LOXL2: variants seen among roughly 807,000 people sequenced by gnomAD.
LOXL2 encodes lysyl oxidase homolog 2.
LOXL2 carries 70 observed loss-of-function variants against 93.0 expected under a neutral mutation model. The observed-to-expected ratio is 0.75, with a 90% CI of 0.62 to 0.92. The LOEUF (loss-of-function observed/expected upper bound fraction) is 0.92. Ranked by LOEUF, LOXL2 falls within the 40% of genes least tolerant of loss-of-function variation. LOXL2 has a pLI of 0.00. For synonymous variants in LOXL2, 438 were observed against 413.2 expected (o/e 1.06, Z -0.73); for missense variants, 973 against 1,054.9 (o/e 0.92, Z 1.08).
At chr8:23,340,951 C>T (rs147506233) in intron 4 of LOXL2, 41 bp downstream of exon 4, 43 of 1,545,912 alleles carry the variant, frequency 2.8e-5, no homozygotes, top group Middle Eastern at 1.9e-4. Flanking sequence ...TTAGGCAGGG[C>T]GGATACCCTC....
At chr8:23,337,655 A>C (rs1303359220) in intron 4 of LOXL2, among the ~76,000 whole-genome samples, 1 of 152,246 alleles carries the variant, frequency 6.6e-6, no homozygotes, top group East Asian at 1.9e-4. Context: ...CTCTGCTTAG[A>C]GAGCTCATTT....
At position 23,335,799 on chromosome 8, in the gene LOXL2, G is replaced by A. The variant is rs549544824; in HGVS notation, c.744-2176C>T. Among the ~76,000 whole-genome samples, 32 of 152,314 alleles carry A rather than the reference G, an allele frequency of 2.1e-4. No individual in the cohort carries two copies. The East Asian group carries it at 6.0e-3, about 28-fold the overall frequency. On this transcript the variant is annotated intron_variant, in intron 4 of 13. Transcript: ENST00000389131. ...CTGGAAGTACCTCCTTTGTCTCAGA[G>A]TGAATGGGGTGTGAAGACAGAGGAA...
intron 3 of LOXL2, among the ~76,000 whole-genome samples, chr8:23,350,814 A>C (rs557474097): frequency 2.1e-3 from 317 of 152,218 alleles, no homozygotes; most frequent in Non-Finnish European, 2.5e-3. Flanking sequence ...TCTGTGTTTC[A>C]TTTTCCAAGC....
At chr8:23,325,698 C>G (rs1399633442) in intron 6 of LOXL2, among the ~76,000 whole-genome samples, 1 of 152,210 alleles carries the variant, frequency 6.6e-6, no homozygotes, top group Non-Finnish European at 1.5e-5. Context: ...AACTGAATAG[C>G]ACTGGAGCGC....
chr8:23,321,077 G>A (rs75135942), intron 7 of LOXL2, among the ~76,000 whole-genome samples: 2 of 13,964 alleles, frequency 1.4e-4, no homozygotes, highest in Non-Finnish European at 5.1e-4. Context: ...TTTATCTCTC[G>A]TCTCTCTCCA....
At chr8:23,367,080 G>A (rs1030598573) in intron 2 of LOXL2, among the ~76,000 whole-genome samples, 3 of 152,022 alleles carry the variant, frequency 2.0e-5, no homozygotes, top group East Asian at 1.9e-4. Context: ...ATGGAGTCTC[G>A]CTCTGTCACC....
chr8:23,395,052 G>A lies in LOXL2; in HGVS notation c.-84+8902C>T, dbSNP rs888168962. The stretch of plus-strand genomic sequence containing the variant: ...GGGCGGATCACGAGGTCAAGAGATC[G>A]AGACCATCCTGGCCAACATGGTGAA... On this transcript the variant is annotated intron_variant, in intron 1 of 13. Transcript: ENST00000389131. Among the ~76,000 whole-genome samples the A allele has an allele frequency of 6.1e-4, 93 of 152,066 alleles. 1 individual carries two copies. The highest frequency in any genetic ancestry group is 9.3e-4 in the Non-Finnish European group (63 of 68,006).
rs57485192 is a variant in LOXL2 at position 23,380,406 on chromosome 8, A to AAAAAAAAAAAAAAG, written c.-83-11973_-83-11972insCTTTTTTTTTTTTT. ...GACTCCGTCTCAAAAAAAAAAAAAA[A>AAAAAAAAAAAAAAG]AAAAAGACATCTTAATCTGTGGATT... is the stretch of plus-strand genomic sequence containing the variant. On this transcript the variant is annotated intron_variant, in intron 1 of 13. Coordinates refer to ENST00000389131, the MANE Select transcript of LOXL2 (RefSeq NM_002318.3). 1.5e-4 allele frequency among the ~76,000 whole-genome samples: 19 copies of AAAAAAAAAAAAAAG among 128,496 alleles called. 1 individual carries two copies. Among genetic ancestry groups the AAAAAAAAAAAAAAG allele is most frequent in the African/African-American group, 3.0e-4 (10 of 33,362 alleles). The allele number at this position is 128,496 out of a possible 152,430, so 84.3% of individuals were successfully genotyped here. A position where few individuals can be genotyped will look rare whatever the true frequency, so the allele number is the denominator to read the frequency against.
At chr8:23,328,256 C>T (rs1803616450) in intron 6 of LOXL2, 126 bp downstream of exon 6, 2 of 977,054 alleles carry the variant, frequency 2.0e-6, no homozygotes, top group Non-Finnish European at 3.1e-6. Context: ...GATTCTCTCC[C>T]AGGCAGCCAC....
At chr8:23,387,404 C>T (rs1019565685) in intron 1 of LOXL2, among the ~76,000 whole-genome samples, 1 of 152,200 alleles carries the variant, frequency 6.6e-6, no homozygotes, top group Non-Finnish European at 1.5e-5. Flanking sequence ...TCAGCTTACC[C>T]TCCCCAGGGT....
Position 23,358,267 on chromosome 8 carries a change from C to T in LOXL2, c.531+1823G>A, listed in dbSNP as rs149254250. ...ATAGCAGCATTTGACAGGTGTCAACCATAAGCAGTCTCCTCCACAGCTGAG... is the reference window on the plus strand; with the variant it reads ...ATAGCAGCATTTGACAGGTGTCAACTATAAGCAGTCTCCTCCACAGCTGAG... On this transcript the variant is annotated intron_variant, in intron 3 of 13. Coordinates refer to ENST00000389131, the MANE Select transcript of LOXL2 (RefSeq NM_002318.3). Among the ~76,000 whole-genome samples the T allele has an allele frequency of 5.9e-5, 9 of 152,324 alleles. No homozygotes were observed. In the East Asian group the frequency reaches 1.7e-3, roughly 29 times the overall value.
chr8:23,368,403 G>A lies in LOXL2; in HGVS notation c.-52C>T, dbSNP rs764395511. 2 of 1,493,726 alleles carry A rather than the reference G, an allele frequency of 1.3e-6. No homozygotes were observed. Among genetic ancestry groups the A allele is most frequent in the Non-Finnish European group, 1.8e-6 (2 of 1,081,726 alleles). The allele number at this position is 1,493,726 out of a possible 1,614,324, so 92.5% of individuals were successfully genotyped here. On this transcript the variant is annotated 5_prime_UTR_variant, in exon 2 of 14. Coordinates refer to ENST00000389131, the MANE Select transcript of LOXL2 (RefSeq NM_002318.3). ...GAAGGGGCCCTGCGCAGCTGGGAGG[G>A]ACAGGCGGGGTACAGAAGCAGCAGG...
At chr8:23,368,622 T>A (rs1356180864) in intron 1 of LOXL2, among the ~76,000 whole-genome samples, 188 bp from the exon 2 acceptor site, 1 of 152,238 alleles carries the variant, frequency 6.6e-6, no homozygotes, top group Non-Finnish European at 1.5e-5. Context: ...TACTGCCTTG[T>A]CATCTCTCTA....
In LOXL2 at chr8:23,319,782, C is replaced by G. The variant is rs558498750; in HGVS notation, c.1470+103G>C. 2.3e-6 allele frequency: 3 copies of G among 1,316,878 alleles called. No homozygotes were observed. The East Asian group carries it at 7.0e-5, about 31-fold the overall frequency. The allele number at this position is 1,316,878 out of a possible 1,614,324, so 81.6% of individuals were successfully genotyped here. Reference sequence around the variant, plus strand: ...TCCAGGGCAACTTGCTCTGTCCTGCCTGCACGGCTAGGGAGGGTACGTGGG... The same window carrying G: ...TCCAGGGCAACTTGCTCTGTCCTGCGTGCACGGCTAGGGAGGGTACGTGGG... On this transcript the variant is annotated intron_variant, in intron 8 of 13. Coordinates refer to ENST00000389131, the MANE Select transcript of LOXL2 (RefSeq NM_002318.3).
intron 1 of LOXL2, among the ~76,000 whole-genome samples, chr8:23,377,903 T>G (rs1483548118): frequency 6.6e-6 from 1 of 152,194 alleles, no homozygotes; most frequent in African/African-American, 2.4e-5. Context: ...AATTTGCCAG[T>G]CTGTGTCTTT....
At chr8:23,402,037 C>T (rs549432945) in intron 1 of LOXL2, among the ~76,000 whole-genome samples, 155 of 152,330 alleles carry the variant, frequency 1.0e-3, no homozygotes, top group African/African-American at 3.6e-3. Flanking sequence ...TGCACACATG[C>T]GTGCACACAC....
In LOXL2 at chr8:23,341,018, C is replaced by T; in HGVS notation, c.717G>A (p.Glu239=). 1 of 1,614,206 alleles carries T rather than the reference C, an allele frequency of 6.2e-7. No individual in the cohort carries two copies. The highest frequency in any genetic ancestry group is 8.5e-7 in the Non-Finnish European group (1 of 1,180,036). Reference sequence around the variant, plus strand: ...TGTACACTTTGGTATTGTATGTCCTCTCCCCAGGGAAGCCAAACATGCCGC... The same window carrying T: ...TGTACACTTTGGTATTGTATGTCCTTTCCCCAGGGAAGCCAAACATGCCGC... ...VVCGMFGFPG[E]RTYNTKVYKM... Residue 239 remains glutamate (E), a synonymous_variant, in exon 4 of 14, where the codon GAG becomes GAA. Transcript: ENST00000389131.
intron 1 of LOXL2, among the ~76,000 whole-genome samples, chr8:23,385,299 T>C (rs1804742772): frequency 6.7e-6 from 1 of 148,264 alleles, no homozygotes; most frequent in Non-Finnish European, 1.5e-5. Flanking sequence ...CAGGCTGGAG[T>C]GCAGTGGTGT....
chr8:23,372,180 G>A (rs1388321873), intron 1 of LOXL2, among the ~76,000 whole-genome samples: 2 of 151,330 alleles, frequency 1.3e-5, no homozygotes, highest in African/African-American at 4.9e-5. Flanking sequence ...AAGATCATCA[G>A]AACGAATATA....
Sources: gnomAD v4.1 joint callset for allele counts (sites outside exome capture counted in the v4.1 genomes callset) on GRCh38, gnomAD v4.1.1 for gene constraint, MANE v1.5 for transcripts, NCBI Gene and HGNC (gene_info 2026-07-23, HGNC 2026-07-21) for gene names.